Variants in BIRC6 observed in about 807,000 individuals in gnomAD.
BIRC6 encodes the protein dual E2 ubiquitin-conjugating enzyme/E3 ubiquitin-protein ligase BIRC6.
Under a neutral mutation model 503.3 loss-of-function variants are expected in BIRC6, and 98 were observed. That is an observed-to-expected ratio of 0.19 (90% CI 0.17 to 0.23). The LOEUF is 0.23. Ranked by LOEUF, BIRC6 falls within the 10% of genes least tolerant of loss-of-function variation. The pLI, the probability that BIRC6 is intolerant of heterozygous loss-of-function variation, is 1.00. For synonymous variants in BIRC6, 2,240 were observed against 2,078.7 expected (o/e 1.08, Z -2.11); for missense variants, 5,360 against 5,806.0 (o/e 0.92, Z 2.50).
At chr2:32,599,953 T>C in intron 70 of BIRC6, 53 bp downstream of exon 70, 1 of 1,536,340 alleles carries the variant, frequency 6.5e-7, no homozygotes, top group Non-Finnish European at 8.8e-7. Flanking sequence ...ATACAAAGGT[T>C]CTTTGTAATT....
chr2:32,500,478 C>T (rs552516478), intron 46 of BIRC6, among the ~76,000 whole-genome samples: 2 of 150,392 alleles, frequency 1.3e-5, no homozygotes, highest in African/African-American at 4.9e-5. Flanking sequence ...AGTACAATGG[C>T]GCGATCTCGG....
chr2:32,599,777 T>C lies in BIRC6; in HGVS notation c.13869T>C (p.Asn4623=). Residue 4623 remains asparagine (N), a synonymous_variant, in exon 70 of 74, where the codon AAT becomes AAC. Transcript: ENST00000421745. ...ITGPADTPYA[N]GCFEFDVYFP... ...GTCCAGCGGACACCCCTTATGCAAA[T>C]GGCTGCTTTGAGTTTGATGTGTATT... 2 of 1,613,952 alleles carry C rather than the reference T, an allele frequency of 1.2e-6. No homozygotes were observed. The highest frequency in any genetic ancestry group is 1.7e-6 in the Non-Finnish European group (2 of 1,179,828).
At chr2:32,432,002 A>G in intron 12 of BIRC6, among the ~76,000 whole-genome samples, 1 of 152,236 alleles carries the variant, frequency 6.6e-6, no homozygotes, top group Non-Finnish European at 1.5e-5. Flanking sequence ...AAAGGCTTCC[A>G]TGATAATAGC....
Position 32,439,630 on chromosome 2 carries a change from C to T in BIRC6, c.3754C>T (p.Gln1252Ter). 6.2e-7 allele frequency: 1 copy of T among 1,613,884 alleles called. No individual in the cohort carries two copies. Among genetic ancestry groups the T allele is most frequent in the Non-Finnish European group, 8.5e-7 (1 of 1,179,848 alleles). ...PVVRLPSLKH[Q>*]SNKGYSLASL... ...AGTAAGGCTTCCATCCCTAAAACAC[C>T]AGAGTAACAAGGGTTATTCACTTGC... Residue 1252 changes from glutamine to a stop codon, truncating the protein, a stop_gained, in exon 16 of 74, where the codon CAG becomes TAG. Coordinates refer to ENST00000421745, the MANE Select transcript of BIRC6 (RefSeq NM_016252.4). LOFTEE classifies it high-confidence loss of function.
intron 66 of BIRC6, among the ~76,000 whole-genome samples, chr2:32,581,147 G>A (rs2060648262): frequency 6.6e-6 from 1 of 152,160 alleles, no homozygotes; most frequent in Non-Finnish European, 1.5e-5. Flanking sequence ...TAAATCTTTT[G>A]TATTAAGGTC....
intron 40 of BIRC6, 135 bp from the exon 41 acceptor site, chr2:32,487,512 A>C: frequency 1.5e-6 from 1 of 669,744 alleles, no homozygotes; most frequent in Non-Finnish European, 2.3e-6. Context: ...CAAATACTAA[A>C]TATTGTTTTG....
intron 8 of BIRC6, among the ~76,000 whole-genome samples, chr2:32,405,571 C>A (rs2041109802): frequency 6.6e-6 from 1 of 152,054 alleles, no homozygotes; most frequent in South Asian, 2.1e-4. Flanking sequence ...CTTTGGGAGA[C>A]CGAGGCGGGA....
chr2:32,379,508 G>T (rs2037319711), intron 2 of BIRC6: 1 of 151,700 alleles, frequency 6.6e-6, no homozygotes, highest in African/African-American at 2.4e-5. Context: ...TAAATCTACT[G>T]TTTTTTTTCT....
At chr2:32,617,212 CA>C (rs879766775) in intron 73 of BIRC6, among the ~76,000 whole-genome samples, 2 of 152,124 alleles carry the variant, frequency 1.3e-5, no homozygotes, top group African/African-American at 2.4e-5. Flanking sequence ...CCAGCCTGGC[CA>C]ACATAGTGAA....
chr2:32,360,064 G>C (rs1048956965), intron 1 of BIRC6, among the ~76,000 whole-genome samples: 4 of 152,154 alleles, frequency 2.6e-5, no homozygotes, highest in Non-Finnish European at 4.4e-5. Flanking sequence ...TAGCGATCAT[G>C]GTCCTAACAT....
chr2:32,557,067 A>G (rs1008690192), intron 65 of BIRC6, among the ~76,000 whole-genome samples: 4 of 152,252 alleles, frequency 2.6e-5, no homozygotes, highest in African/African-American at 9.6e-5. Flanking sequence ...TATTGAAACA[A>G]GAAAGTTTCT....
At chr2:32,522,361 A>ATTTGATATTATT (rs1451460091) in intron 57 of BIRC6, 2 of 151,798 alleles carry the variant, frequency 1.3e-5, no homozygotes, top group Admixed American at 6.6e-5. Context: ...ATGAAATATA[A>ATTTGATATTATT]TGATATTATT....
intron 8 of BIRC6, among the ~76,000 whole-genome samples, chr2:32,405,429 G>A (rs1395874188): frequency 1.3e-5 from 2 of 152,120 alleles, no homozygotes; most frequent in Non-Finnish European, 2.9e-5. Flanking sequence ...CCCAGCCGCC[G>A]CAAAATATTT....
intron 66 of BIRC6, among the ~76,000 whole-genome samples, chr2:32,588,089 G>A (rs1011209193): frequency 6.6e-6 from 1 of 152,162 alleles, no homozygotes; most frequent in African/African-American, 2.4e-5. Context: ...GCTGGGTGTG[G>A]TGGCTCACGC....
intron 4 of BIRC6, among the ~76,000 whole-genome samples, chr2:32,390,554 G>C (rs115713817): frequency 7.0e-4 from 106 of 152,220 alleles, no homozygotes; most frequent in African/African-American, 2.5e-3. Context: ...ACCTCAAGGT[G>C]ATCTACCCGT....
chr2:32,576,460 A>G (rs2060269671), intron 66 of BIRC6, among the ~76,000 whole-genome samples: 1 of 152,200 alleles, frequency 6.6e-6, no homozygotes, highest in Non-Finnish European at 1.5e-5. Flanking sequence ...TTTATTCCTC[A>G]AAGATGGCCT....
At position 32,415,740 on chromosome 2, in the gene BIRC6, C is replaced by A; in HGVS notation, c.2449C>A (p.Gln817Lys). Residue 817 changes from glutamine to lysine, a missense_variant, in exon 10 of 74, where the codon CAG becomes AAG. Transcript: ENST00000421745. ...GACTCCTTTAATAATTCAGCCTGAG[C>A]AGAGGAATGTTAGTGGTGGATATTT... ...VQTPLIIQPE[Q>K]RNVSGGYLVL... The A allele has an allele frequency of 6.2e-7, 1 of 1,613,696 alleles. No homozygotes were observed. Among genetic ancestry groups the A allele is most frequent in the Non-Finnish European group, 8.5e-7 (1 of 1,179,798 alleles).
At chr2:32,574,861 G>C (rs1478812526) in intron 65 of BIRC6, 2 of 385,174 alleles carry the variant, frequency 5.2e-6, no homozygotes, top group African/African-American at 2.1e-5. Flanking sequence ...CAGTTCTCCT[G>C]CCTCAGCCTC....
chr2:32,463,891 G>C (rs2048259082), intron 24 of BIRC6, among the ~76,000 whole-genome samples: 1 of 152,154 alleles, frequency 6.6e-6, no homozygotes, highest in Non-Finnish European at 1.5e-5. Context: ...AGCACCACCT[G>C]AGCTCCATCT....
Sources: gnomAD v4.1 joint callset for allele counts (sites outside exome capture counted in the v4.1 genomes callset) on GRCh38, gnomAD v4.1.1 for gene constraint, MANE v1.5 for transcripts, NCBI Gene and HGNC (gene_info 2026-07-23, HGNC 2026-07-21) for gene names.